GTF3C1: variants seen among roughly 807,000 people sequenced by gnomAD.
GTF3C1 encodes the protein general transcription factor 3C polypeptide 1.
In GTF3C1, 57 loss-of-function variants were observed where a neutral mutation model predicts 226.7. The observed-to-expected ratio is 0.25, with a 90% CI of 0.20 to 0.31. The LOEUF (loss-of-function observed/expected upper bound fraction) is 0.31. GTF3C1 is among the 10% of genes least tolerant of loss of function. The pLI is 1.00. For synonymous variants in GTF3C1, 1,090 were observed against 1,084.8 expected (o/e 1.00, Z -0.09); for missense variants, 2,217 against 2,776.1 (o/e 0.80, Z 4.53).
chr16:27,526,918 A>C (rs2088841898), intron 6 of GTF3C1, among the ~76,000 whole-genome samples: 1 of 152,246 alleles, frequency 6.6e-6, no homozygotes, highest in Non-Finnish European at 1.5e-5. Context: ...AAGAATAGAT[A>C]AAAATAACTG....
At chr16:27,543,501 C>T (rs1338337390) in intron 2 of GTF3C1, among the ~76,000 whole-genome samples, 6 of 152,202 alleles carry the variant, frequency 3.9e-5, no homozygotes, top group Admixed American at 3.9e-4. Context: ...AGCAATCCCC[C>T]CATCGCAGTC....
chr16:27,489,117 G>A lies in GTF3C1; in HGVS notation c.3355C>T (p.Leu1119Phe). 5 of 1,613,878 alleles carry A rather than the reference G, an allele frequency of 3.1e-6. No individual in the cohort carries two copies. Among genetic ancestry groups the A allele is most frequent in the Non-Finnish European group, 3.4e-6 (4 of 1,179,804 alleles). The change falls in exon 21 of 37, where the codon CTC (leucine) becomes TTC (phenylalanine). Residue 1119 changes from leucine to phenylalanine, a missense_variant. By Grantham distance (22) the Leu-to-Phe change is conservative. This residue lies in a region of GTF3C1 where 3 missense variants were observed against 18.4 expected (regional missense o/e 0.16). Coordinates refer to ENST00000356183, the MANE Select transcript of GTF3C1 (RefSeq NM_001520.4). ...IPGDGLGAAG[L>F]DSSFYGHLKR... ...AGGTGTCCGTAGAAGCTGGAATCGAGCCCTGCGGCACCCAGCCCATCTCCA... is the reference window on the plus strand; with the variant it reads ...AGGTGTCCGTAGAAGCTGGAATCGAACCCTGCGGCACCCAGCCCATCTCCA...
chr16:27,513,091 C>T (rs1422710350), intron 6 of GTF3C1, among the ~76,000 whole-genome samples: 2 of 152,030 alleles, frequency 1.3e-5, no homozygotes, highest in Non-Finnish European at 2.9e-5. Context: ...GTCACTGTTG[C>T]CAGGGTGAAG....
At position 27,462,642 on chromosome 16, in the gene GTF3C1, T is replaced by G; in HGVS notation, c.5925-156A>C. 1.6e-6 allele frequency: 1 copy of G among 618,912 alleles called. No homozygotes were observed. Among genetic ancestry groups the G allele is most frequent in the Non-Finnish European group, 2.9e-6 (1 of 349,182 alleles). 38.3% of individuals were successfully genotyped at this position (618,912 alleles called of 1,614,324 possible). A position where few individuals can be genotyped will look rare whatever the true frequency, so the allele number is the denominator to read the frequency against. On this transcript the variant is annotated intron_variant, in intron 35 of 36. Transcript: ENST00000356183. The surrounding 1 kb of genome is among the most constrained non-coding windows in gnomAD (Gnocchi z 4.5). ...CTCTGCTTTCCAAACTCCCTGCTTC[T>G]CTCCTGTCTGGACAGAGGGGCCCTT...
rs759878882 is a variant in GTF3C1, at chr16:27,471,942, G to A, written c.4354-22C>T. ...AAGTCTGCAACACAGGGCGGCGAGG[G>A]TGAGTAGGGTTCTCCAGCCGGCCAC... On this transcript the variant is annotated intron_variant, in intron 29 of 36. Transcript: ENST00000356183. The surrounding 1 kb of genome is among the most constrained non-coding windows in gnomAD (Gnocchi z 5.0). 2 of 1,611,148 alleles carry A rather than the reference G, an allele frequency of 1.2e-6. No homozygotes were observed. Among genetic ancestry groups the A allele is most frequent in the Non-Finnish European group, 1.7e-6 (2 of 1,177,538 alleles).
Position 27,469,533 on chromosome 16 carries a change from C to A in GTF3C1, c.4832G>T (p.Ser1611Ile). The change falls in exon 32 of 37, where the codon AGC becomes ATC. Residue 1611 changes from serine (S) to isoleucine (I), a missense_variant. Around this residue, in one of 12 missense-constraint regions of GTF3C1, gnomAD observed 546 missense variants for 663.0 expected, o/e 0.82. Transcript: ENST00000356183. The surrounding 1 kb of genome is among the most constrained non-coding windows in gnomAD (Gnocchi z 4.5). Reference sequence around the variant, plus strand: ...CTCTTCATCCTCGTCATCCTCCAGGCTGCCGTCCTTCCCCAAGCTAGAAGG... The same window carrying A: ...CTCTTCATCCTCGTCATCCTCCAGGATGCCGTCCTTCCCCAAGCTAGAAGG... ...EVIKSLGKDG[S>I]LEDDEDEEDD... The A allele has an allele frequency of 6.2e-7, 1 of 1,611,422 alleles. No individual in the cohort carries two copies. The highest frequency in any genetic ancestry group is 8.5e-7 in the Non-Finnish European group (1 of 1,177,712).
At chr16:27,517,001 ACT>A (rs35999487) in intron 6 of GTF3C1, among the ~76,000 whole-genome samples, 2,481 of 151,856 alleles carry the variant, frequency 0.016, 27 homozygotes, top group Non-Finnish European at 0.025. Context: ...GGGAAGCCAG[ACT>A]CTCTGCCACA....
intron 25 of GTF3C1, chr16:27,483,392 C>T: frequency 1.7e-6 from 1 of 592,520 alleles, no homozygotes; most frequent in East Asian, 3.8e-5. Context: ...GAGTCCCAAA[C>T]TGTCTCTCAC....
At chr16:27,525,424 A>G (rs2088817640) in intron 6 of GTF3C1, among the ~76,000 whole-genome samples, 1 of 152,218 alleles carries the variant, frequency 6.6e-6, no homozygotes, top group Admixed American at 6.5e-5. Flanking sequence ...GAACTCAAAG[A>G]TGAGGTTTTG....
rs1210514643 is a variant in GTF3C1, at chr16:27,464,623, G to A, written c.5569C>T (p.Pro1857Ser). 2 of 1,508,002 alleles carry A rather than the reference G, an allele frequency of 1.3e-6. No homozygotes were observed. The highest frequency in any genetic ancestry group is 1.8e-6 in the Non-Finnish European group (2 of 1,129,038). The allele number at this position is 1,508,002 out of a possible 1,614,324, so 93.4% of individuals were successfully genotyped here. ...CTGGCGCGCCTCTTGGTGCCCCGGGGGCTGTGAGAAGGAGGTGCCTGCCCC... is the reference window on the plus strand; with the variant it reads ...CTGGCGCGCCTCTTGGTGCCCCGGGAGCTGTGAGAAGGAGGTGCCTGCCCC... ...PEGQAPPSHS[P>S]RGTKRRASWA... The change falls in exon 34 of 37, where the codon CCC becomes TCC. Residue 1857 changes from proline to serine, a missense_variant. Physicochemically the swap from Pro to Ser is moderately conservative, Grantham distance 74. Transcript: ENST00000356183.
At chr16:27,477,298 A>T (rs2087963835) in intron 28 of GTF3C1, among the ~76,000 whole-genome samples, 1 of 152,120 alleles carries the variant, frequency 6.6e-6, no homozygotes, top group Admixed American at 6.5e-5. Flanking sequence ...AATAGTAAAT[A>T]GATTTTCTCT....
intron 25 of GTF3C1, 119 bp from the exon 26 acceptor site, chr16:27,483,244 T>A (rs928877379): frequency 1.6e-5 from 15 of 913,324 alleles, no homozygotes; most frequent in Middle Eastern, 2.4e-4. Flanking sequence ...CATGAGTTAC[T>A]TATATGCCTG....
intron 26 of GTF3C1, among the ~76,000 whole-genome samples, chr16:27,481,460 C>G (rs1300253645): frequency 1.3e-5 from 2 of 152,118 alleles, no homozygotes; most frequent in East Asian, 3.9e-4. Flanking sequence ...CCCTGCATCG[C>G]TGGCACTCTC....
In GTF3C1 at chr16:27,461,890, G is replaced by A. The variant is rs1185452759; in HGVS notation, c.6118-328C>T. ...TGGCTTCCAGGTGGGGTTTTGTTTGGCTCATGGGGAATTTGACACTCAACT... is the reference window on the plus strand; with the variant it reads ...TGGCTTCCAGGTGGGGTTTTGTTTGACTCATGGGGAATTTGACACTCAACT... On this transcript the variant is annotated intron_variant, in intron 36 of 36. Transcript: ENST00000356183. The surrounding 1 kb of genome is among the most constrained non-coding windows in gnomAD (Gnocchi z 5.3). The A allele has an allele frequency of 5.0e-6, 2 of 401,442 alleles. No homozygotes were observed. The highest frequency in any genetic ancestry group is 8.2e-5 in the East Asian group (2 of 24,268). 24.9% of individuals were successfully genotyped at this position (401,442 alleles called of 1,614,324 possible). A position where few individuals can be genotyped will look rare whatever the true frequency, so the allele number is the denominator to read the frequency against.
intron 6 of GTF3C1, among the ~76,000 whole-genome samples, chr16:27,526,789 G>T (rs2088840200): frequency 6.6e-6 from 1 of 152,236 alleles, no homozygotes; most frequent in Non-Finnish European, 1.5e-5. Context: ...GGTGAAGTTT[G>T]GGTGGAGTGC....
Position 27,508,661 on chromosome 16 carries a change from A to G in GTF3C1, c.1127-6T>C, listed in dbSNP as rs116615834. 600 of 1,609,400 alleles carry G rather than the reference A, an allele frequency of 3.7e-4. 1 individual carries two copies. In the African/African-American group the frequency reaches 7.1e-3, roughly 19 times the overall value. On this transcript the variant is annotated splice_region_variant and splice_polypyrimidine_tract_variant and intron_variant, in intron 7 of 36. Transcript: ENST00000356183. ...TTTCGTGCCTCTGCGCTCAACTGTG[A>G]GAAACAATACACGTGAACCCAAACC...
At chr16:27,522,919 C>G (rs937590367) in intron 6 of GTF3C1, among the ~76,000 whole-genome samples, 1 of 152,164 alleles carries the variant, frequency 6.6e-6, no homozygotes, top group Non-Finnish European at 1.5e-5. Flanking sequence ...CTTCTGTATA[C>G]CGATCTTCTG....
At chr16:27,511,606 G>T in intron 7 of GTF3C1, 143 bp downstream of exon 7, 2 of 804,100 alleles carry the variant, frequency 2.5e-6, no homozygotes, top group South Asian at 1.9e-5. Flanking sequence ...TGACCTTGAA[G>T]CCTAAACCCT....
At position 27,461,651 on chromosome 16, in the gene GTF3C1, G is replaced by T; in HGVS notation, c.6118-89C>A. On this transcript the variant is annotated intron_variant, in intron 36 of 36. Coordinates refer to ENST00000356183, the MANE Select transcript of GTF3C1 (RefSeq NM_001520.4). This position sits in a 1 kb window ranked among gnomAD's most constrained non-coding sequence, Gnocchi z 5.3. ...CAAGCATTTATGGAATGCCCCCTCT[G>T]TACCAGGGAGCCACTTCCCAGAGCA... 2.0e-6 allele frequency: 2 copies of T among 981,378 alleles called. No individual in the cohort carries two copies. Among genetic ancestry groups the T allele is most frequent in the African/African-American group, 1.6e-5 (1 of 63,168 alleles). 60.8% of individuals were successfully genotyped at this position (981,378 alleles called of 1,614,324 possible).
Sources: allele counts gnomAD v4.1 joint callset (sites outside exome capture counted in the v4.1 genomes callset), GRCh38; gene constraint gnomAD v4.1.1; regional missense constraint gnomAD v4.1.1; non-coding constraint Gnocchi (gnomAD v3.1); transcripts MANE v1.5; gene names NCBI Gene and HGNC (gene_info 2026-07-23, HGNC 2026-07-21).